CLASP2: variants seen among roughly 807,000 people sequenced by gnomAD.
CLASP2 encodes the protein CLIP-associating protein 2.
In CLASP2, 47 loss-of-function variants were observed where a neutral mutation model predicts 194.4. The observed-to-expected ratio is 0.24, with a 90% confidence interval of 0.19 to 0.31. The LOEUF (loss-of-function observed/expected upper bound fraction) is 0.31, where lower values mean the gene tolerates loss of function less well. Ranked by LOEUF, CLASP2 falls within the 10% of genes least tolerant of loss-of-function variation. The probability of loss-of-function intolerance (pLI) is 1.00; values close to 1 mark genes in which losing one functional copy is unlikely to be tolerated. For missense variants in CLASP2, 1,445 were observed against 1,823.6 expected (o/e 0.79, Z 3.78); for synonymous variants, 619 against 633.5 (o/e 0.98, Z 0.34).
At chr3:33,703,372 G>A (rs983383121) in intron 1 of CLASP2, among the ~76,000 whole-genome samples, 6 of 152,174 alleles carry the variant, frequency 3.9e-5, no homozygotes, top group Admixed American at 2.6e-4. Flanking sequence ...AACATCGTAT[G>A]TCATTAGGAA....
At chr3:33,572,700 G>T (rs945533549) in intron 25 of CLASP2, among the ~76,000 whole-genome samples, 1 of 152,002 alleles carries the variant, frequency 6.6e-6, no homozygotes, top group East Asian at 1.9e-4. Flanking sequence ...CATATTACAT[G>T]CACACTAAGA....
chr3:33,603,041 C>T lies in CLASP2; in HGVS notation c.1835G>A (p.Gly612Asp). Residue 612 changes from glycine (G) to aspartate (D), a missense_variant, in exon 18 of 39, where the codon GGT becomes GAT. Transcript: ENST00000682230. ...RSDIDVNAAA[G>D]AKAHHAAGQS... ...TCCAGCAGCATGATGTGCCTTGGCA[C>T]CTGCAGCAGCATTCACATCAATGTC... is the stretch of plus-strand genomic sequence containing the variant. The T allele has an allele frequency of 1.9e-6, 3 of 1,604,320 alleles. No individual in the cohort carries two copies. In the South Asian group the frequency reaches 3.4e-5, roughly 18 times the overall value.
chr3:33,688,676 A>C (rs1482383875), intron 3 of CLASP2, among the ~76,000 whole-genome samples: 4 of 152,236 alleles, frequency 2.6e-5, no homozygotes, highest in Non-Finnish European at 5.9e-5. Context: ...TTCTTCTATA[A>C]TTAAGAAACC....
intron 9 of CLASP2, among the ~76,000 whole-genome samples, chr3:33,629,744 A>G (rs1325603959): frequency 6.6e-6 from 1 of 151,890 alleles, no homozygotes; most frequent in Non-Finnish European, 1.5e-5. Context: ...CCACAGTTGT[A>G]GTTTTGCAAA....
chr3:33,698,581 A>C (rs2092138801), intron 1 of CLASP2, among the ~76,000 whole-genome samples: 1 of 152,230 alleles, frequency 6.6e-6, no homozygotes. Flanking sequence ...CCTAAAGTGC[A>C]GAGTTGAGTA....
At chr3:33,598,938 T>C (rs1390458843) in intron 18 of CLASP2, among the ~76,000 whole-genome samples, 1 of 152,152 alleles carries the variant, frequency 6.6e-6, no homozygotes, top group Non-Finnish European at 1.5e-5. Flanking sequence ...ACACTTAAAA[T>C]ATCCCTGCTG....
intron 22 of CLASP2, among the ~76,000 whole-genome samples, chr3:33,583,814 A>C (rs767421395): frequency 6.6e-6 from 1 of 152,220 alleles, no homozygotes; most frequent in Non-Finnish European, 1.5e-5. Context: ...AACTGGAATA[A>C]TTAGGGGCTT....
At chr3:33,533,983 G>C (rs2056843803) in intron 34 of CLASP2, among the ~76,000 whole-genome samples, 1 of 152,062 alleles carries the variant, frequency 6.6e-6, no homozygotes, top group South Asian at 2.1e-4. Context: ...CCAAAGTGTT[G>C]GGATTACAGG....
Position 33,619,614 on chromosome 3 carries a change from A to G in CLASP2, c.1306T>C (p.Phe436Leu). The G allele has an allele frequency of 6.5e-7, 1 of 1,549,366 alleles. No individual in the cohort carries two copies. Among genetic ancestry groups the G allele is most frequent in the Non-Finnish European group, 8.7e-7 (1 of 1,146,106 alleles). The change falls in exon 12 of 39, where the codon TTT becomes CTT. Residue 436 changes from phenylalanine (F) to leucine (L), a missense_variant. This residue lies in a region of CLASP2 where 207 missense variants were observed against 331.4 expected (regional missense o/e 0.62). Transcript: ENST00000682230. Reference sequence around the variant, plus strand: ...GAGAGCAAACCTACCCGAATGATAAATCTGATTGCTGCACATCCAGAAGTT... The same window carrying G: ...GAGAGCAAACCTACCCGAATGATAAGTCTGATTGCTGCACATCCAGAAGTT... ...MATSGCAAIR[F>L]IIRHTHVPRL...
intron 7 of CLASP2, among the ~76,000 whole-genome samples, chr3:33,658,347 T>C (rs1006243613): frequency 6.6e-6 from 1 of 152,136 alleles, no homozygotes; most frequent in African/African-American, 2.4e-5. Flanking sequence ...TAATGCCTAA[T>C]AAGGCATTAT....
At chr3:33,521,417 C>T (rs1393131877) in intron 34 of CLASP2, among the ~76,000 whole-genome samples, 1 of 152,096 alleles carries the variant, frequency 6.6e-6, no homozygotes, top group African/African-American at 2.4e-5. Flanking sequence ...CACAGTGAAA[C>T]CATGTGTTAC....
intron 34 of CLASP2, among the ~76,000 whole-genome samples, chr3:33,528,450 C>T (rs2055221848): frequency 6.6e-6 from 1 of 152,082 alleles, no homozygotes; most frequent in Non-Finnish European, 1.5e-5. Context: ...CCAGAGCAAT[C>T]AGGCAAGAGA....
chr3:33,702,053 A>G (rs1192969082), intron 1 of CLASP2, among the ~76,000 whole-genome samples: 1 of 152,158 alleles, frequency 6.6e-6, no homozygotes, highest in Non-Finnish European at 1.5e-5. Context: ...AAAATGAAAA[A>G]CCCAGTCACA....
chr3:33,618,670 T>TA (rs1266348746), intron 12 of CLASP2, among the ~76,000 whole-genome samples: 1 of 151,072 alleles, frequency 6.6e-6, no homozygotes, highest in South Asian at 2.1e-4. Context: ...AAATAAAAAA[T>TA]AAAAAAAAGG....
chr3:33,570,716 C>T lies in CLASP2; in HGVS notation c.2763+11G>A, dbSNP rs1263313004. On this transcript the variant is annotated intron_variant, in intron 26 of 38. Transcript: ENST00000682230. ...CTATAGAAATAAATAATCTTAAATA[C>T]TAAAACATACCTTGCCATGAGGGTC... The T allele has an allele frequency of 6.3e-7, 1 of 1,588,684 alleles. No homozygotes were observed. Among genetic ancestry groups the T allele is most frequent in the Admixed American group, 1.7e-5 (1 of 57,202 alleles).
chr3:33,627,184 C>A, intron 9 of CLASP2, 104 bp from the exon 10 acceptor site: 1 of 709,386 alleles, frequency 1.4e-6, no homozygotes, highest in Non-Finnish European at 2.5e-6. Flanking sequence ...AGTTTATTTC[C>A]CATTCTAGCA....
At chr3:33,622,047 CT>C (rs1402246472) in intron 11 of CLASP2, 87 bp downstream of exon 11, 2 of 981,244 alleles carry the variant, frequency 2.0e-6, no homozygotes, top group African/African-American at 3.3e-5. Context: ...TTTTAGCTAT[CT>C]TGCTACTGCT....
intron 1 of CLASP2, among the ~76,000 whole-genome samples, chr3:33,708,506 GTA>G (rs200209597): frequency 5.5e-4 from 32 of 58,504 alleles, no homozygotes; most frequent in Admixed American, 3.1e-3. Flanking sequence ...ATATATATAT[GTA>G]TATATATGTA....
chr3:33,567,223 G>A (rs1454259236), intron 26 of CLASP2, among the ~76,000 whole-genome samples: 1 of 151,986 alleles, frequency 6.6e-6, no homozygotes, highest in Non-Finnish European at 1.5e-5. Context: ...AATAACTATT[G>A]CTTGGAAGTA....
Sources: allele counts gnomAD v4.1 joint callset (sites outside exome capture counted in the v4.1 genomes callset), GRCh38; gene constraint gnomAD v4.1.1; regional missense constraint gnomAD v4.1.1; transcripts MANE v1.5; gene names NCBI Gene and HGNC (gene_info 2026-07-23, HGNC 2026-07-21).